DIDO1: variants seen among roughly 807,000 people sequenced by gnomAD.
DIDO1 encodes the protein death-inducer obliterator 1.
DIDO1 carries 16 observed loss-of-function variants against 99.4 expected under a neutral mutation model. The observed-to-expected ratio is 0.16, with a 90% CI of 0.11 to 0.24. The LOEUF (loss-of-function observed/expected upper bound fraction) is 0.24, where lower values mean the gene tolerates loss of function less well. Ranked by LOEUF, DIDO1 falls within the 10% of genes least tolerant of loss-of-function variation. The pLI, the probability that DIDO1 is intolerant of heterozygous loss-of-function variation, is 1.00. For missense variants in DIDO1, 2,996 were observed against 3,014.0 expected, an observed-to-expected ratio of 0.99 and a Z score of 0.14; for synonymous variants, 1,366 against 1,239.1, an observed-to-expected ratio of 1.10 and a Z score of -2.15.
chr20:62,925,735 G>C (rs118173253), intron 1 of DIDO1, among the ~76,000 whole-genome samples: 1,562 of 152,332 alleles, frequency 0.01, 14 homozygotes, highest in South Asian at 0.024. Flanking sequence ...CCCGCCGAGC[G>C]CAAGAGCGGG....
rs186219051 is a variant in DIDO1, at chr20:62,884,957, G to A, written c.3542-2543C>T. On this transcript the variant is annotated intron_variant, in intron 15 of 15. Coordinates refer to ENST00000395343, the MANE Select transcript of DIDO1 (RefSeq NM_001193369.2). The stretch of plus-strand genomic sequence containing the variant: ...AGCAAACCTGTCGAGTTCATGTTCT[G>A]CTTAACATGAGTTGAACATATTTTA... 1.4e-3 allele frequency among the ~76,000 whole-genome samples: 211 copies of A among 152,356 alleles called. 1 individual carries two copies. The highest frequency in any genetic ancestry group is 4.7e-3 in the African/African-American group (197 of 41,574).
At chr20:62,914,852 T>G (rs1680101378) in intron 1 of DIDO1, among the ~76,000 whole-genome samples, 1 of 152,224 alleles carries the variant, frequency 6.6e-6, no homozygotes, top group African/African-American at 2.4e-5. Context: ...AATTGAAAAT[T>G]CTTAATAATG....
intron 6 of DIDO1, among the ~76,000 whole-genome samples, chr20:62,898,509 G>C (rs546090067): frequency 6.6e-6 from 1 of 152,182 alleles, no homozygotes; most frequent in Non-Finnish European, 1.5e-5. Flanking sequence ...TATTCGCCCC[G>C]ACTTTCAAGA....
Position 62,909,838 on chromosome 20 carries a change from C to A in DIDO1, c.1022G>T (p.Arg341Ile). The A allele has an allele frequency of 6.2e-7, 1 of 1,614,246 alleles. No homozygotes were observed. The highest frequency in any genetic ancestry group is 1.1e-5 in the South Asian group (1 of 91,088). Reference protein sequence around the residue: ...ETADQQEAKWRPGDADGTDCT... With the variant: ...ETADQQEAKWIPGDADGTDCT... ...ATCGGTGCCATCAGCATCTCCAGGT[C>A]TCCATTTAGCTTCCTGCTGATCTGC... The change falls in exon 4 of 16, where the codon AGA (arginine) becomes ATA (isoleucine). Residue 341 changes from arginine (R) to isoleucine (I), a missense_variant. This residue lies in a region of DIDO1 where 898 missense variants were observed against 972.7 expected (regional missense o/e 0.92). Coordinates refer to ENST00000395343, the MANE Select transcript of DIDO1 (RefSeq NM_001193369.2).
chr20:62,936,320 G>T (rs2065383098), intron 1 of DIDO1, among the ~76,000 whole-genome samples: 1 of 152,072 alleles, frequency 6.6e-6, no homozygotes, highest in African/African-American at 2.4e-5. Context: ...TTGGGAGGCC[G>T]AGGTGGGTGA....
At chr20:62,904,094 T>G (rs1478101857) in intron 6 of DIDO1, among the ~76,000 whole-genome samples, 1 of 152,222 alleles carries the variant, frequency 6.6e-6, no homozygotes, top group African/African-American at 2.4e-5. Context: ...AGATGGAAAT[T>G]AACCAAACTG....
In DIDO1 at chr20:62,907,181, G is replaced by A; in HGVS notation, c.1340C>T (p.Pro447Leu). The A allele has an allele frequency of 6.2e-7, 1 of 1,614,226 alleles. No homozygotes were observed. The highest frequency in any genetic ancestry group is 8.5e-7 in the Non-Finnish European group (1 of 1,180,050). ...GCATTTCGGAAGACTGGGCTTCTCTGGCTTCATCTTCATCTTTTCTTTAGG... is the reference window on the plus strand; with the variant it reads ...GCATTTCGGAAGACTGGGCTTCTCTAGCTTCATCTTCATCTTTTCTTTAGG... ...PKPKEKMKMK[P>L]EKPSLPKCGA... Residue 447 changes from proline to leucine, a missense_variant, in exon 5 of 16, where the codon CCA (proline) becomes CTA (leucine). Physicochemically the swap from Pro to Leu is moderately conservative, Grantham distance 98 (BLOSUM62 -3). Coordinates refer to ENST00000395343, the MANE Select transcript of DIDO1 (RefSeq NM_001193369.2).
chr20:62,886,706 A>T (rs1465273740), intron 15 of DIDO1, among the ~76,000 whole-genome samples: 1 of 152,204 alleles, frequency 6.6e-6, no homozygotes, highest in East Asian at 1.9e-4. Context: ...CTTTACCCCT[A>T]AAGCCACCTG....
Position 62,904,258 on chromosome 20 carries a change from C to T in DIDO1, c.1588+1629G>A, listed in dbSNP as rs6011463. On this transcript the variant is annotated intron_variant, in intron 6 of 15. Coordinates refer to ENST00000395343, the MANE Select transcript of DIDO1 (RefSeq NM_001193369.2). ...GTGGGTGACACTTTAAGCCCATTAGCTCTGTAGAACTGCTCTATCGTAGAG... is the reference window on the plus strand; with the variant it reads ...GTGGGTGACACTTTAAGCCCATTAGTTCTGTAGAACTGCTCTATCGTAGAG... 5.7e-3 allele frequency among the ~76,000 whole-genome samples: 869 copies of T among 152,276 alleles called. 6 individuals carry two copies. The highest frequency in any genetic ancestry group is 0.02 in the African/African-American group (831 of 41,552).
chr20:62,900,996 A>G (rs1329077502), intron 6 of DIDO1, among the ~76,000 whole-genome samples: 2 of 152,220 alleles, frequency 1.3e-5, no homozygotes, highest in Non-Finnish European at 2.9e-5. Context: ...TCACTCCAAG[A>G]TTGCCCCTAG....
At position 62,911,596 on chromosome 20, in the gene DIDO1, T is replaced by C. The variant is rs1343089365; in HGVS notation, c.17A>G (p.Asp6Gly). The part of the protein sequence containing the change: MDDKG[D>G]PSNEEAPKAI... ...CTTAGGTGCCTCCTCATTGCTCGGG[T>C]CGCCTTTGTCGTCCATACCTAGCGG... Residue 6 changes from aspartate to glycine, a missense_variant, in exon 3 of 16, where the codon GAC becomes GGC. Physicochemically the swap from Asp to Gly is moderately conservative, Grantham distance 94. Transcript: ENST00000395343. This position sits in a 1 kb window ranked among gnomAD's most constrained non-coding sequence, Gnocchi z 7.0. The C allele has an allele frequency of 6.3e-7, 1 of 1,580,702 alleles. No homozygotes were observed. Among genetic ancestry groups the C allele is most frequent in the Non-Finnish European group, 8.6e-7 (1 of 1,161,250 alleles).
At chr20:62,937,140 CCT>C (rs1409758065) in intron 1 of DIDO1, among the ~76,000 whole-genome samples, 2 of 152,244 alleles carry the variant, frequency 1.3e-5, no homozygotes, top group African/African-American at 4.8e-5. Flanking sequence ...CCACCTCACC[CCT>C]GACTTCAGAA....
In DIDO1 at chr20:62,879,884, C is replaced by G; in HGVS notation, c.6072G>C (p.Arg2024Ser). Residue 2024 changes from arginine to serine, a missense_variant, in exon 16 of 16, where the codon AGG (arginine) becomes AGC (serine). Physicochemically the swap from Arg to Ser is moderately radical, Grantham distance 110. Around this residue, in one of 5 missense-constraint regions of DIDO1, gnomAD observed 1,562 missense variants for 1,412.6 expected, o/e 1.11. Transcript: ENST00000395343. The surrounding 1 kb of genome is among the most constrained non-coding windows in gnomAD (Gnocchi z 6.3). ...GGTGGCTGGGAAGCTCCAGCAGGGGCCTGGGGCCCGGCTTCATCACCTGCG... is the reference window on the plus strand; with the variant it reads ...GGTGGCTGGGAAGCTCCAGCAGGGGGCTGGGGCCCGGCTTCATCACCTGCG... ...QAPQVMKPGP[R>S]PLLELPSHPP... 6.3e-7 allele frequency: 1 copy of G among 1,588,646 alleles called. No homozygotes were observed. Among genetic ancestry groups the G allele is most frequent in the Non-Finnish European group, 8.5e-7 (1 of 1,169,784 alleles).
chr20:62,894,769 T>G lies in DIDO1; in HGVS notation c.2436+41A>C, dbSNP rs962287225. ...TAACCTCAAAACATTTGGGATGGAT[T>G]AGTCTATTCTCGGTGAACACAAAAT... is the stretch of plus-strand genomic sequence containing the variant. On this transcript the variant is annotated intron_variant, in intron 10 of 15. Coordinates refer to ENST00000395343, the MANE Select transcript of DIDO1 (RefSeq NM_001193369.2). The surrounding 1 kb of genome is among the most constrained non-coding windows in gnomAD (Gnocchi z 4.4). 5 of 1,575,922 alleles carry G rather than the reference T, an allele frequency of 3.2e-6. No individual in the cohort carries two copies. Among genetic ancestry groups the G allele is most frequent in the Non-Finnish European group, 4.3e-6 (5 of 1,156,488 alleles).
chr20:62,895,538 G>A (rs1268331589), intron 8 of DIDO1, among the ~76,000 whole-genome samples: 1 of 152,242 alleles, frequency 6.6e-6, no homozygotes, highest in Non-Finnish European at 1.5e-5. Context: ...GGTAGCGTCA[G>A]GAACAAAGGA....
chr20:62,925,784 TCA>T (rs1367472702), intron 1 of DIDO1, among the ~76,000 whole-genome samples: 3 of 152,162 alleles, frequency 2.0e-5, no homozygotes, highest in Middle Eastern at 3.4e-3. Context: ...GCAAAATGTG[TCA>T]CAAATACGGC....
intron 1 of DIDO1, among the ~76,000 whole-genome samples, chr20:62,919,825 CTGGTGACCT>C (rs760711321): frequency 3.9e-5 from 6 of 152,222 alleles, no homozygotes; most frequent in Non-Finnish European, 7.3e-5. Flanking sequence ...AAAACACAGG[CTGGTGACCT>C]TGGTGGGCAA....
chr20:62,908,681 A>G (rs1255141203), intron 4 of DIDO1, among the ~76,000 whole-genome samples: 1 of 152,098 alleles, frequency 6.6e-6, no homozygotes, highest in Non-Finnish European at 1.5e-5. Context: ...TGTGCAGGGT[A>G]TTGTCAAGCA....
At chr20:62,908,094 C>T (rs2064846723) in intron 4 of DIDO1, among the ~76,000 whole-genome samples, 1 of 152,094 alleles carries the variant, frequency 6.6e-6, no homozygotes, top group Non-Finnish European at 1.5e-5. Flanking sequence ...ATCCTCCCAC[C>T]CCAGCCTCCC....
Sources: allele counts gnomAD v4.1 joint callset (sites outside exome capture counted in the v4.1 genomes callset), GRCh38; gene constraint gnomAD v4.1.1; regional missense constraint gnomAD v4.1.1; non-coding constraint Gnocchi (gnomAD v3.1); transcripts MANE v1.5; gene names NCBI Gene and HGNC (gene_info 2026-07-23, HGNC 2026-07-21).